The following CMTM8 variants were observed in gnomAD, a reference collection of about 807,000 sequenced individuals.
CMTM8 encodes CKLF like MARVEL transmembrane domain containing 8.
In CMTM8, 12 loss-of-function variants were observed where a neutral mutation model predicts 18.6. The ratio of observed to expected loss-of-function variants is 0.65; its 90% CI spans 0.41 to 1.05. The LOEUF (loss-of-function observed/expected upper bound fraction) is 1.05. Among genes scored for constraint, CMTM8 ranks in the 50% least tolerant of loss-of-function variants. The pLI, the probability that CMTM8 is intolerant of heterozygous loss-of-function variation, is 0.00. For missense variants in CMTM8, 217 were observed against 227.2 expected, an observed-to-expected ratio of 0.95 and a Z score of 0.29; for synonymous variants, 87 against 90.6, an observed-to-expected ratio of 0.96 and a Z score of 0.23.
intron 2 of CMTM8, among the ~76,000 whole-genome samples, chr3:32,361,286 G>GTTTTTTTTTTGTTTTTTGTTTT (rs58364646): frequency 1.1e-5 from 1 of 87,260 alleles, no homozygotes; most frequent in Non-Finnish European, 2.4e-5. Context: ...CAGCCTAAGA[G>GTTTTTTTTTTGTTTTTTGTTTT]TTTTTTTTTC....
At chr3:32,369,634 C>A (rs550708035) in intron 3 of CMTM8, among the ~76,000 whole-genome samples, 1 of 152,326 alleles carries the variant, frequency 6.6e-6, no homozygotes, top group Admixed American at 6.5e-5. Flanking sequence ...CCGCCGTATT[C>A]ACTCCTAAGT....
At chr3:32,366,671 T>C (rs1697044289) in intron 2 of CMTM8, among the ~76,000 whole-genome samples, 1 of 152,222 alleles carries the variant, frequency 6.6e-6, no homozygotes, top group Non-Finnish European at 1.5e-5. Flanking sequence ...TTGGCAAGTA[T>C]TAAATTTGCG....
intron 1 of CMTM8, among the ~76,000 whole-genome samples, chr3:32,281,842 A>G (rs1311948878): frequency 1.3e-5 from 2 of 151,552 alleles, no homozygotes; most frequent in African/African-American, 2.4e-5. Flanking sequence ...TCCTTTAAAT[A>G]TCTTATTTTC....
chr3:32,336,291 C>A (rs1228655717), intron 1 of CMTM8, among the ~76,000 whole-genome samples: 3 of 152,200 alleles, frequency 2.0e-5, no homozygotes, highest in African/African-American at 7.2e-5. Context: ...GGTTCTCAGG[C>A]TCTGTGCAGT....
At chr3:32,260,343 G>A (rs903716004) in intron 1 of CMTM8, 6 of 553,004 alleles carry the variant, frequency 1.1e-5, no homozygotes, top group African/African-American at 1.9e-5. Context: ...TGAACTATAC[G>A]TTAATATTTT....
intron 1 of CMTM8, among the ~76,000 whole-genome samples, chr3:32,356,656 C>A (rs1399440737): frequency 6.6e-6 from 1 of 152,192 alleles, no homozygotes; most frequent in Admixed American, 6.5e-5. Context: ...TACTGGCCAT[C>A]TGTGAGAAGA....
intron 1 of CMTM8, among the ~76,000 whole-genome samples, chr3:32,316,746 A>T (rs1231378628): frequency 6.6e-6 from 1 of 152,152 alleles, no homozygotes; most frequent in Non-Finnish European, 1.5e-5. Flanking sequence ...TGGGAGTGAG[A>T]TGGGAAGGTG....
intron 1 of CMTM8, among the ~76,000 whole-genome samples, chr3:32,286,657 G>C (rs1702692206): frequency 6.6e-6 from 1 of 152,178 alleles, no homozygotes; most frequent in African/African-American, 2.4e-5. Context: ...GCAGCTTGCT[G>C]TAGAGCAGGG....
intron 1 of CMTM8, among the ~76,000 whole-genome samples, chr3:32,304,549 T>G (rs969078480): frequency 6.6e-6 from 1 of 152,252 alleles, no homozygotes. Flanking sequence ...TCAATCTATA[T>G]GAACAAAAGA....
chr3:32,292,598 T>C (rs1702799105), intron 1 of CMTM8, among the ~76,000 whole-genome samples: 1 of 152,188 alleles, frequency 6.6e-6, no homozygotes, highest in Non-Finnish European at 1.5e-5. Flanking sequence ...CTTATTTCTC[T>C]TTCTTTGGAT....
At chr3:32,282,485 T>TA (rs1004059273) in intron 1 of CMTM8, among the ~76,000 whole-genome samples, 5 of 151,696 alleles carry the variant, frequency 3.3e-5, no homozygotes, top group African/African-American at 9.7e-5. Context: ...AGAAAAAAAT[T>TA]AAAAAAATAT....
At chr3:32,369,061 C>A (rs1250320054) in intron 3 of CMTM8, among the ~76,000 whole-genome samples, 11 of 152,102 alleles carry the variant, frequency 7.2e-5, no homozygotes, top group African/African-American at 2.7e-4. Context: ...GTAATCCCAG[C>A]ACTCTGGGAG....
At chr3:32,247,077 C>T (rs1263231983) in intron 1 of CMTM8, among the ~76,000 whole-genome samples, 1 of 151,768 alleles carries the variant, frequency 6.6e-6, no homozygotes, top group African/African-American at 2.4e-5. Flanking sequence ...CTCTAACCTG[C>T]GTGACAGAGT....
chr3:32,344,542 C>G (rs1696558365), intron 1 of CMTM8, among the ~76,000 whole-genome samples: 1 of 152,208 alleles, frequency 6.6e-6, no homozygotes, highest in Non-Finnish European at 1.5e-5. Context: ...ATTGCTGTCA[C>G]AAAGCTCATA....
intron 1 of CMTM8, among the ~76,000 whole-genome samples, chr3:32,297,323 C>T (rs1434243933): frequency 5.3e-5 from 8 of 151,988 alleles, no homozygotes; most frequent in Non-Finnish European, 7.4e-5. Flanking sequence ...GGATTACAGG[C>T]GCCCGCCACT....
chr3:32,338,895 C>A (rs1696439646), intron 1 of CMTM8, among the ~76,000 whole-genome samples: 1 of 152,206 alleles, frequency 6.6e-6, no homozygotes, highest in South Asian at 2.1e-4. Flanking sequence ...TAAAGTTTAA[C>A]TGGGGCTGAA....
At chr3:32,241,452 G>T (rs1701945490) in intron 1 of CMTM8, among the ~76,000 whole-genome samples, 2 of 152,206 alleles carry the variant, frequency 1.3e-5, no homozygotes, top group Admixed American at 1.3e-4. Context: ...ATGATATTCG[G>T]TAGATATTTT....
chr3:32,307,268 A>G (rs1695732209), intron 1 of CMTM8, among the ~76,000 whole-genome samples: 2 of 152,230 alleles, frequency 1.3e-5, no homozygotes, highest in African/African-American at 4.8e-5. Flanking sequence ...TGAAACCGGA[A>G]GGTAGAGGTT....
At chr3:32,333,593 G>A (rs1040205978) in intron 1 of CMTM8, among the ~76,000 whole-genome samples, 2 of 142,778 alleles carry the variant, frequency 1.4e-5, no homozygotes, top group Non-Finnish European at 3.0e-5. Flanking sequence ...CCCATTGCTT[G>A]TAACTGCAGC....
Sources: allele counts gnomAD v4.1 joint callset (sites outside exome capture counted in the v4.1 genomes callset), GRCh38; gene constraint gnomAD v4.1.1; transcripts MANE v1.5; gene names NCBI Gene and HGNC (gene_info 2026-07-23, HGNC 2026-07-21).